The following CDH13 variants were observed in gnomAD, a reference collection of about 807,000 sequenced individuals.
CDH13 encodes cadherin 13, also known as cadherin-13.
CDH13 carries 24 observed loss-of-function variants against 63.8 expected under a neutral mutation model. The ratio of observed to expected loss-of-function variants is 0.38; its 90% CI spans 0.27 to 0.53. The LOEUF (loss-of-function observed/expected upper bound fraction) is 0.53, where lower values mean the gene tolerates loss of function less well. CDH13 is among the 20% of genes least tolerant of loss of function. The pLI is 0.85. For missense variants in CDH13, 1,049 were observed against 903.1 expected (o/e 1.16, Z -2.07); for synonymous variants, 503 against 355.3 (o/e 1.42, Z -4.67).
At chr16:83,652,987 G>A (rs1438287673) in intron 8 of CDH13, among the ~76,000 whole-genome samples, 1 of 152,188 alleles carries the variant, frequency 6.6e-6, no homozygotes, top group Non-Finnish European at 1.5e-5. Flanking sequence ...CTGAAGTACT[G>A]ATCCACGCTA....
intron 1 of CDH13, among the ~76,000 whole-genome samples, chr16:82,852,817 C>G (rs762075581): frequency 6.6e-6 from 1 of 152,202 alleles, no homozygotes; most frequent in African/African-American, 2.4e-5. Context: ...TGATGACAGA[C>G]TTCTCTGGCT....
At chr16:83,297,217 G>A (rs2089623146) in intron 5 of CDH13, among the ~76,000 whole-genome samples, 1 of 152,132 alleles carries the variant, frequency 6.6e-6, no homozygotes, top group Non-Finnish European at 1.5e-5. Flanking sequence ...AAAATAGCTA[G>A]AAGGGAGGAT....
At chr16:82,853,060 G>C (rs1166449662) in intron 1 of CDH13, among the ~76,000 whole-genome samples, 1 of 152,218 alleles carries the variant, frequency 6.6e-6, no homozygotes, top group Non-Finnish European at 1.5e-5. Flanking sequence ...TATAAAGAGT[G>C]TGATTTAAGA....
intron 13 of CDH13, among the ~76,000 whole-genome samples, chr16:83,788,871 A>T (rs763501874): frequency 6.6e-6 from 1 of 152,188 alleles, no homozygotes; most frequent in Non-Finnish European, 1.5e-5. Context: ...GTGTAGCTGG[A>T]AAGTATTCAG....
chr16:83,047,514 G>A lies in CDH13; in HGVS notation c.366+15296G>A, dbSNP rs992059720. Among the ~76,000 whole-genome samples, 3 of 152,068 alleles carry A rather than the reference G, an allele frequency of 2.0e-5. No individual in the cohort carries two copies. The highest frequency in any genetic ancestry group is 2.0e-4 in the Admixed American group (3 of 15,260). ...CCTTTGCGTAATATTTTCTCTGCAT[G>A]GAAGGGGAGGATAAGAAAGAAGACC... On this transcript the variant is annotated intron_variant, in intron 3 of 13. Transcript: ENST00000567109. The surrounding 1 kb of genome is among the most constrained non-coding windows in gnomAD (Gnocchi z 4.9).
chr16:83,508,032 A>G lies in CDH13; in HGVS notation c.960+21377A>G, dbSNP rs2074444314. ...GGGCAACAAGAGCAACATTCGGTCGAAAGAAAGAAAGAGAGAAAGAGAAGA... is the reference window on the plus strand; with the variant it reads ...GGGCAACAAGAGCAACATTCGGTCGGAAGAAAGAAAGAGAGAAAGAGAAGA... On this transcript the variant is annotated intron_variant, in intron 7 of 13. Coordinates refer to ENST00000567109, the MANE Select transcript of CDH13 (RefSeq NM_001257.5). Among the ~76,000 whole-genome samples, 3 of 124,564 alleles carry G rather than the reference A, an allele frequency of 2.4e-5. No individual in the cohort carries two copies. In the South Asian group the frequency reaches 8.2e-4, roughly 34 times the overall value. The allele number at this position is 124,564 out of a possible 152,430, so 81.7% of individuals were successfully genotyped here.
chr16:82,673,349 G>A (rs1157395211), intron 1 of CDH13, among the ~76,000 whole-genome samples: 1 of 152,062 alleles, frequency 6.6e-6, no homozygotes, highest in Non-Finnish European at 1.5e-5. Context: ...AAGGAACTGA[G>A]AACACTAATG....
intron 7 of CDH13, among the ~76,000 whole-genome samples, chr16:83,503,207 A>C (rs1227787706): frequency 6.6e-6 from 1 of 152,226 alleles, no homozygotes; most frequent in Non-Finnish European, 1.5e-5. Context: ...AGAAACTAAG[A>C]AGTGGTGAAT....
chr16:83,644,726 C>T (rs12102640), intron 8 of CDH13, among the ~76,000 whole-genome samples: 10 of 152,292 alleles, frequency 6.6e-5, no homozygotes, highest in African/African-American at 2.4e-4. Context: ...GAATTCTAGG[C>T]CTGTGAATGG....
In CDH13 at chr16:83,800,348, G is replaced by A. The variant is rs983936399; in HGVS notation, c.*5318G>A. 1 of 152,168 alleles carries A rather than the reference G, an allele frequency of 6.6e-6. No homozygotes were observed. The allele number at this position is 152,168 out of a possible 1,614,324, so 9.4% of individuals were successfully genotyped here. Reference sequence around the variant, plus strand: ...AGACTATTATTAGAGAGTTATATCTGTGTTGTCATGCACATGTCAACACTG... The same window carrying A: ...AGACTATTATTAGAGAGTTATATCTATGTTGTCATGCACATGTCAACACTG... On this transcript the variant is annotated 3_prime_UTR_variant, in exon 14 of 14. Coordinates refer to ENST00000567109, the MANE Select transcript of CDH13 (RefSeq NM_001257.5).
intron 4 of CDH13, among the ~76,000 whole-genome samples, chr16:83,156,163 C>G (rs922981130): frequency 6.6e-6 from 1 of 152,148 alleles, no homozygotes; most frequent in Non-Finnish European, 1.5e-5. Context: ...TTGAACATAG[C>G]GTGGTTATAA....
chr16:82,984,184 G>A (rs1460784456), intron 2 of CDH13, among the ~76,000 whole-genome samples: 2 of 152,188 alleles, frequency 1.3e-5, no homozygotes, highest in East Asian at 3.9e-4. Flanking sequence ...CAAGGAACCT[G>A]GATAAAACTC....
chr16:83,313,953 T>A (rs2090053112), intron 5 of CDH13, among the ~76,000 whole-genome samples: 1 of 152,244 alleles, frequency 6.6e-6, no homozygotes, highest in Admixed American at 6.5e-5. Flanking sequence ...TCAGTTCATT[T>A]GTCTGTTTCA....
intron 2 of CDH13, among the ~76,000 whole-genome samples, chr16:82,865,699 C>G (rs765023182): frequency 3.3e-5 from 5 of 152,188 alleles, no homozygotes; most frequent in Non-Finnish European, 5.9e-5. Context: ...GGAGACATCT[C>G]CCTCTTACCC....
chr16:83,379,934 T>TAGAGAGAGAGAGAGAG (rs367543331), intron 6 of CDH13, among the ~76,000 whole-genome samples: 1 of 86,676 alleles, frequency 1.2e-5, no homozygotes, highest in Admixed American at 1.2e-4. Context: ...TATATATATA[T>TAGAGAGAGAGAGAGAG]ATATAGAGAG....
At chr16:83,709,252 G>A (rs941809670) in intron 10 of CDH13, among the ~76,000 whole-genome samples, 1 of 152,170 alleles carries the variant, frequency 6.6e-6, no homozygotes, top group Non-Finnish European at 1.5e-5. Context: ...CTTAATTTTA[G>A]ACTCTGACTT....
chr16:82,815,189 T>C (rs1339653189), intron 1 of CDH13, among the ~76,000 whole-genome samples: 1 of 151,262 alleles, frequency 6.6e-6, no homozygotes, highest in Non-Finnish European at 1.5e-5. Context: ...CTGTAGGGAG[T>C]CGGAACAGCC....
At chr16:82,947,882 G>A (rs745853572) in intron 2 of CDH13, among the ~76,000 whole-genome samples, 5 of 152,132 alleles carry the variant, frequency 3.3e-5, no homozygotes, top group Non-Finnish European at 7.4e-5. Context: ...AGGGAGTAAT[G>A]AATTCATGAT....
chr16:82,818,824 C>G (rs1447157981), intron 1 of CDH13, among the ~76,000 whole-genome samples: 2 of 152,178 alleles, frequency 1.3e-5, no homozygotes, highest in African/African-American at 4.8e-5. Flanking sequence ...TGTCTGCATA[C>G]AAACACCAAG....
Sources: allele counts gnomAD v4.1 joint callset (sites outside exome capture counted in the v4.1 genomes callset), GRCh38; gene constraint gnomAD v4.1.1; non-coding constraint Gnocchi (gnomAD v3.1); transcripts MANE v1.5; gene names NCBI Gene and HGNC (gene_info 2026-07-23, HGNC 2026-07-21).